Variants in PLAAT5 observed in about 807,000 individuals in gnomAD.
PLAAT5 encodes the protein phospholipase A and acyltransferase 5, also known as Ca(2+)-independent N-acyltransferase.
Under a neutral mutation model 27.8 loss-of-function variants are expected in PLAAT5, and 27 were observed. That is an observed-to-expected ratio of 0.97 (90% CI 0.72 to 1.34). The LOEUF is 1.34. Ranked by LOEUF, PLAAT5 falls within the 40% of genes most tolerant of loss-of-function variation. PLAAT5 has a pLI of 0.00. For synonymous variants in PLAAT5, 125 were observed against 136.1 expected (o/e 0.92, Z 0.57); for missense variants, 368 against 343.8 (o/e 1.07, Z -0.56).
intron 4 of PLAAT5, among the ~76,000 whole-genome samples, 197 bp from the exon 5 acceptor site, chr11:63,466,569 T>G (rs1003843371): frequency 3.6e-4 from 54 of 152,060 alleles, no homozygotes; most frequent in Non-Finnish European, 1.5e-5. Context: ...TGCGCCTCAC[T>G]CCCTGCTCTC....
rs184921841 is a variant in PLAAT5 at position 63,461,541 on chromosome 11, C to G, written c.*1962G>C. The G allele has an allele frequency of 6.6e-6, 1 of 152,122 alleles. No homozygotes were observed. The highest frequency in any genetic ancestry group is 1.5e-5 in the Non-Finnish European group (1 of 68,024). The allele number at this position is 152,122 out of a possible 1,614,324, so 9.4% of individuals were successfully genotyped here. A position where few individuals can be genotyped will look rare whatever the true frequency, so the allele number is the denominator to read the frequency against. ...GACTAAGAAGCCGCACCCGAGTGGT[C>G]CCACTCAAAAAAGAGATTTCTGTTT... On this transcript the variant is annotated 3_prime_UTR_variant, in exon 6 of 6. Transcript: ENST00000540857.
chr11:63,482,069 GA>G (rs1381166234), intron 3 of PLAAT5, among the ~76,000 whole-genome samples: 11 of 150,686 alleles, frequency 7.3e-5, no homozygotes, highest in Non-Finnish European at 1.0e-4. Context: ...TAAAAAAAAA[GA>G]AAAAAATAAT....
chr11:63,476,551 C>T (rs2016155614), intron 3 of PLAAT5, among the ~76,000 whole-genome samples: 1 of 152,040 alleles, frequency 6.6e-6, no homozygotes, highest in Admixed American at 6.6e-5. Context: ...TTCTGGTCTC[C>T]ATTGTTTCTG....
chr11:63,479,353 C>G (rs1368818949), intron 3 of PLAAT5, among the ~76,000 whole-genome samples: 4 of 152,190 alleles, frequency 2.6e-5, no homozygotes, highest in Admixed American at 2.6e-4. Flanking sequence ...TAAGCAGATG[C>G]CTCTGTCTTC....
intron 1 of PLAAT5, 189 bp from the exon 2 acceptor site, chr11:63,490,522 T>A: frequency 1.2e-6 from 1 of 848,538 alleles, no homozygotes; most frequent in South Asian, 1.6e-5. Flanking sequence ...TCAGTTCCTC[T>A]GCCAAAGAGA....
intron 3 of PLAAT5, among the ~76,000 whole-genome samples, chr11:63,471,100 G>A (rs987711680): frequency 1.3e-5 from 2 of 152,150 alleles, no homozygotes; most frequent in Admixed American, 6.5e-5. Context: ...ACTCCAGCAT[G>A]AAGAACACCA....
At chr11:63,466,932 T>A (rs2015882242) in intron 4 of PLAAT5, among the ~76,000 whole-genome samples, 1 of 152,086 alleles carries the variant, frequency 6.6e-6, no homozygotes, top group Admixed American at 6.6e-5. Context: ...TCATTAAGGG[T>A]ATGTTTGAAA....
intron 3 of PLAAT5, among the ~76,000 whole-genome samples, chr11:63,487,721 A>G (rs759075305): frequency 7.2e-5 from 11 of 152,246 alleles, no homozygotes; most frequent in Admixed American, 3.3e-4. Context: ...GTCAAAAACT[A>G]GTAACAACTC....
At chr11:63,481,016 C>T (rs1026431070) in intron 3 of PLAAT5, among the ~76,000 whole-genome samples, 3 of 152,196 alleles carry the variant, frequency 2.0e-5, no homozygotes, top group African/African-American at 7.2e-5. Context: ...CTTTCATTTC[C>T]ATAAGTTGTG....
intron 3 of PLAAT5, among the ~76,000 whole-genome samples, chr11:63,476,174 T>C (rs1307085697): frequency 6.6e-6 from 1 of 152,126 alleles, no homozygotes; most frequent in African/African-American, 2.4e-5. Context: ...TACTATTATA[T>C]TTATTATATA....
intron 3 of PLAAT5, among the ~76,000 whole-genome samples, chr11:63,477,372 T>A (rs1317397859): frequency 6.6e-6 from 1 of 152,190 alleles, no homozygotes; most frequent in East Asian, 1.9e-4. Flanking sequence ...TGCTTGTTTG[T>A]TTGTTGTTTG....
intron 3 of PLAAT5, among the ~76,000 whole-genome samples, chr11:63,472,049 G>A (rs1269423267): frequency 1.3e-5 from 2 of 152,166 alleles, no homozygotes; most frequent in Non-Finnish European, 2.9e-5. Context: ...TCAGGGTGGG[G>A]GTTGGAGGAG....
chr11:63,487,316 T>C (rs926551086), intron 3 of PLAAT5, among the ~76,000 whole-genome samples: 3 of 152,172 alleles, frequency 2.0e-5, no homozygotes, highest in East Asian at 3.8e-4. Context: ...ATGGCAAATA[T>C]ACGCATGAAA....
rs377110717 is a variant in PLAAT5, at chr11:63,469,145, T to TGTGTGTGTGAGA, written c.346-681_346-680insTCTCACACACAC. Among the ~76,000 whole-genome samples the TGTGTGTGTGAGA allele has an allele frequency of 1.2e-3, 145 of 122,786 alleles. 2 individuals are homozygous for TGTGTGTGTGAGA. The highest frequency in any genetic ancestry group is 3.5e-3 in the African/African-American group (118 of 33,712). 80.6% of individuals were successfully genotyped at this position (122,786 alleles called of 152,430 possible). ...GTGTGTGTGTGTGTGTGTGTGTGTG[T>TGTGTGTGTGAGA]GAGAGAGAGAGAGAGACAGGTAGAG... On this transcript the variant is annotated intron_variant, in intron 3 of 5. Transcript: ENST00000540857.
At chr11:63,465,746 T>C (rs1248382813) in intron 5 of PLAAT5, among the ~76,000 whole-genome samples, 4 of 152,200 alleles carry the variant, frequency 2.6e-5, no homozygotes, top group South Asian at 4.2e-4. Flanking sequence ...GCCATGATTA[T>C]GTCATTACAC....
intron 3 of PLAAT5, among the ~76,000 whole-genome samples, chr11:63,468,705 C>G (rs113386240): frequency 1.2e-4 from 18 of 152,340 alleles, no homozygotes; most frequent in African/African-American, 4.1e-4. Context: ...TATTGCCTCT[C>G]AGCTGTGAAT....
chr11:63,490,392 T>C (rs771677418), intron 1 of PLAAT5, 59 bp from the exon 2 acceptor site: 4 of 1,612,780 alleles, frequency 2.5e-6, no homozygotes, highest in Non-Finnish European at 3.4e-6. Context: ...AGCAAGCACC[T>C]TGACCGCTAC....
intron 3 of PLAAT5, among the ~76,000 whole-genome samples, chr11:63,469,154 G>GAGAGAC (rs1555025602): frequency 4.8e-4 from 73 of 151,756 alleles, no homozygotes; most frequent in African/African-American, 1.5e-3. Context: ...GTGAGAGAGA[G>GAGAGAC]AGAGAGACAG....
chr11:63,477,534 G>A (rs1362830739), intron 3 of PLAAT5, among the ~76,000 whole-genome samples: 3 of 152,020 alleles, frequency 2.0e-5, no homozygotes, highest in South Asian at 2.1e-4. Context: ...GGAGTGCAAT[G>A]GTGTGATCTC....
Sources: gnomAD v4.1 joint callset for allele counts (sites outside exome capture counted in the v4.1 genomes callset) on GRCh38, gnomAD v4.1.1 for gene constraint, MANE v1.5 for transcripts, NCBI Gene and HGNC (gene_info 2026-07-23, HGNC 2026-07-21) for gene names.